Variants in RSRC1 observed in about 807,000 individuals in gnomAD.
The protein encoded by RSRC1 is arginine and serine rich coiled-coil 1, also known as serine/Arginine-related protein 53.
Under a neutral mutation model 49.1 loss-of-function variants are expected in RSRC1, and 39 were observed. That is an observed-to-expected ratio of 0.79 (90% CI 0.61 to 1.04). The LOEUF (loss-of-function observed/expected upper bound fraction) is 1.04, where lower values mean the gene tolerates loss of function less well. Among genes scored for constraint, RSRC1 ranks in the 50% least tolerant of loss-of-function variants. The pLI is 0.00. For synonymous variants in RSRC1, 143 were observed against 130.8 expected, an observed-to-expected ratio of 1.09 and a Z score of -0.63; for missense variants, 388 against 402.4, an observed-to-expected ratio of 0.96 and a Z score of 0.31.
intron 6 of RSRC1, among the ~76,000 whole-genome samples, chr3:158,401,530 T>C (rs542981138): frequency 6.6e-6 from 1 of 152,158 alleles, no homozygotes; most frequent in Admixed American, 6.6e-5. Flanking sequence ...GAGTATTCTC[T>C]TTTATTTCCC....
intron 7 of RSRC1, among the ~76,000 whole-genome samples, chr3:158,484,889 T>C (rs950185315): frequency 2.0e-5 from 3 of 152,098 alleles, no homozygotes; most frequent in Admixed American, 1.3e-4. Context: ...TTTCCAGTTA[T>C]AGCAGGAAAA....
At chr3:158,454,639 A>G (rs995710685) in intron 6 of RSRC1, among the ~76,000 whole-genome samples, 16 of 152,240 alleles carry the variant, frequency 1.1e-4, no homozygotes, top group African/African-American at 3.9e-4. Context: ...AGTGATTCCA[A>G]AAACTTCTGT....
At chr3:158,216,471 C>T (rs1025281272) in intron 4 of RSRC1, among the ~76,000 whole-genome samples, 1 of 151,308 alleles carries the variant, frequency 6.6e-6, no homozygotes, top group African/African-American at 2.4e-5. Flanking sequence ...TGTTTATCTT[C>T]TTTCAGCTAC....
intron 4 of RSRC1, among the ~76,000 whole-genome samples, chr3:158,272,458 C>T (rs766478359): frequency 6.6e-6 from 1 of 151,718 alleles, no homozygotes; most frequent in African/African-American, 2.4e-5. Flanking sequence ...GTTTTTCTTC[C>T]GATTTATACT....
chr3:158,138,661 T>C (rs1419740998), intron 3 of RSRC1, among the ~76,000 whole-genome samples: 2 of 152,252 alleles, frequency 1.3e-5, no homozygotes, highest in Admixed American at 1.3e-4. Context: ...TTTCTCTATA[T>C]CTTTGTTTAC....
At chr3:158,497,727 G>A (rs148322236) in intron 7 of RSRC1, among the ~76,000 whole-genome samples, 9 of 152,186 alleles carry the variant, frequency 5.9e-5, no homozygotes, top group Admixed American at 4.6e-4. Flanking sequence ...GAGCCACCAC[G>A]CCCAGCCCAT....
At chr3:158,344,423 T>C (rs189033856) in intron 5 of RSRC1, among the ~76,000 whole-genome samples, 23 of 152,308 alleles carry the variant, frequency 1.5e-4, no homozygotes, top group Admixed American at 2.0e-4. Flanking sequence ...AGATTTTTCA[T>C]TGGAAACAAT....
At chr3:158,329,730 G>A (rs761596410) in intron 5 of RSRC1, among the ~76,000 whole-genome samples, 16 of 152,184 alleles carry the variant, frequency 1.1e-4, no homozygotes, top group African/African-American at 9.7e-5. Context: ...CTCAAACTCC[G>A]TGCTGAGAGA....
chr3:158,368,943 A>G (rs1731920880), intron 6 of RSRC1, among the ~76,000 whole-genome samples: 2 of 152,140 alleles, frequency 1.3e-5, no homozygotes, highest in South Asian at 4.1e-4. Flanking sequence ...GATAAGTGAA[A>G]GAAATAATTA....
intron 3 of RSRC1, among the ~76,000 whole-genome samples, chr3:158,153,315 A>G (rs1375133037): frequency 6.6e-6 from 1 of 152,112 alleles, no homozygotes; most frequent in African/African-American, 2.4e-5. Context: ...CTTCTTGTAG[A>G]GTTGCCAGTA....
intron 6 of RSRC1, among the ~76,000 whole-genome samples, chr3:158,458,130 G>C (rs1165317965): frequency 6.6e-6 from 1 of 152,138 alleles, no homozygotes; most frequent in South Asian, 2.1e-4. Context: ...AGTTGGTATG[G>C]GGTTATTGCC....
At chr3:158,318,947 C>T (rs766856486) in intron 5 of RSRC1, among the ~76,000 whole-genome samples, 5 of 152,106 alleles carry the variant, frequency 3.3e-5, no homozygotes, top group Admixed American at 1.3e-4. Context: ...GGGCGGGAGC[C>T]TGGATCAGAG....
At chr3:158,410,302 A>G (rs530202611) in intron 6 of RSRC1, among the ~76,000 whole-genome samples, 5 of 152,148 alleles carry the variant, frequency 3.3e-5, no homozygotes, top group African/African-American at 1.2e-4. Flanking sequence ...CTGTTTTTCC[A>G]TCTACCTGAA....
intron 7 of RSRC1, among the ~76,000 whole-genome samples, chr3:158,481,201 A>G (rs549892324): frequency 6.6e-6 from 1 of 152,172 alleles, no homozygotes; most frequent in South Asian, 2.1e-4. Context: ...TCTTTATTCA[A>G]CTTACACCTA....
intron 5 of RSRC1, among the ~76,000 whole-genome samples, chr3:158,350,732 A>G (rs1473288594): frequency 2.0e-5 from 3 of 152,138 alleles, no homozygotes; most frequent in Admixed American, 6.5e-5. Flanking sequence ...AGAAATTGCT[A>G]TATTCTTTGC....
intron 5 of RSRC1, among the ~76,000 whole-genome samples, chr3:158,299,694 G>A (rs1727428795): frequency 6.6e-6 from 1 of 151,976 alleles, no homozygotes. Context: ...TATTTACTTT[G>A]TTTGTGTTCT....
At chr3:158,349,318 G>A (rs1730733077) in intron 5 of RSRC1, among the ~76,000 whole-genome samples, 1 of 152,018 alleles carries the variant, frequency 6.6e-6, no homozygotes, top group Non-Finnish European at 1.5e-5. Context: ...GCATTTCTCT[G>A]ATGATTAGCA....
intron 4 of RSRC1, among the ~76,000 whole-genome samples, chr3:158,297,217 A>G (rs1273764215): frequency 3.3e-5 from 5 of 152,096 alleles, no homozygotes; most frequent in Admixed American, 6.6e-5. Context: ...GAGAAAAGCC[A>G]AAGTTCATTT....
intron 4 of RSRC1, among the ~76,000 whole-genome samples, chr3:158,214,698 A>C (rs1043596108): frequency 6.6e-6 from 1 of 151,886 alleles, no homozygotes; most frequent in African/African-American, 2.4e-5. Flanking sequence ...GATTATTTAG[A>C]TATGAAATAT....
Sources: gnomAD v4.1 joint callset for allele counts (sites outside exome capture counted in the v4.1 genomes callset) on GRCh38, gnomAD v4.1.1 for gene constraint, MANE v1.5 for transcripts, NCBI Gene and HGNC (gene_info 2026-07-23, HGNC 2026-07-21) for gene names.